Variants in MAP3K13 observed in about 807,000 individuals in gnomAD.
MAP3K13 encodes the protein leucine zipper-bearing kinase.
In MAP3K13, 52 loss-of-function variants were observed where a neutral mutation model predicts 104.0. The observed-to-expected ratio is 0.50, with a 90% CI of 0.40 to 0.63. The LOEUF is 0.63. Among genes scored for constraint, MAP3K13 ranks in the 20% least tolerant of loss-of-function variants. The probability of loss-of-function intolerance (pLI) is 0.00; values close to 1 mark genes in which losing one functional copy is unlikely to be tolerated. For missense variants in MAP3K13, 914 were observed against 1,218.5 expected (o/e 0.75, Z 3.72); for synonymous variants, 394 against 442.2 (o/e 0.89, Z 1.37).
At chr3:185,378,004 G>GC (rs1724518337) in intron 1 of MAP3K13, among the ~76,000 whole-genome samples, 1 of 152,118 alleles carries the variant, frequency 6.6e-6, no homozygotes, top group Non-Finnish European at 1.5e-5. Flanking sequence ...AAGCTCCTGG[G>GC]GTGGGGGGAG....
chr3:185,389,413 G>T (rs1286367049), intron 1 of MAP3K13, among the ~76,000 whole-genome samples: 1 of 151,996 alleles, frequency 6.6e-6, no homozygotes, highest in African/African-American at 2.4e-5. Flanking sequence ...AATGAGATAA[G>T]GTACATAAAG....
intron 2 of MAP3K13, among the ~76,000 whole-genome samples, chr3:185,314,232 A>G (rs1721596029): frequency 6.6e-6 from 1 of 152,240 alleles, no homozygotes. Context: ...CTTGTAAGAC[A>G]TGGAATAAAA....
In MAP3K13 at chr3:185,480,269, A is replaced by T. The variant is rs1301380209; in HGVS notation, c.2539A>T (p.Thr847Ser). 9.3e-6 allele frequency: 15 copies of T among 1,614,100 alleles called. No individual in the cohort carries two copies. Among genetic ancestry groups the T allele is most frequent in the Non-Finnish European group, 1.3e-5 (15 of 1,180,008 alleles). The change falls in exon 13 of 14, where the codon ACC (threonine) becomes TCC (serine). Residue 847 changes from threonine to serine, a missense_variant. Thr to Ser is a moderately conservative substitution (Grantham distance 58). This residue lies in a region of MAP3K13 where 583 missense variants were observed against 737.4 expected (regional missense o/e 0.79). Coordinates refer to ENST00000265026, the MANE Select transcript of MAP3K13 (RefSeq NM_004721.5). ...TATCAGCAGCTGCCAGTCATATTCA[A>T]CCTTTAGCTCTGAGAATTTCTCTGT... is the stretch of plus-strand genomic sequence containing the variant. ...RCISSCQSYS[T>S]FSSENFSVSD...
At chr3:185,372,071 A>G (rs187735433) in intron 1 of MAP3K13, among the ~76,000 whole-genome samples, 42 of 152,324 alleles carry the variant, frequency 2.8e-4, no homozygotes, top group Non-Finnish European at 4.6e-4. Context: ...CATTTTACTA[A>G]TTACTCACCA....
At position 185,454,857 on chromosome 3, in the gene MAP3K13, A is replaced by ATGATATATATATGAGATATATATC. The variant is rs1577583411; in HGVS notation, c.1278+3485_1278+3486insCTGATATATATATGAGATATATAT. 1.8e-4 allele frequency among the ~76,000 whole-genome samples: 11 copies of ATGATATATATATGAGATATATATC among 61,084 alleles called. No homozygotes were observed. The East Asian group carries it at 3.8e-3, about 21-fold the overall frequency. 40.1% of individuals were successfully genotyped at this position (61,084 alleles called of 152,430 possible). A position where few individuals can be genotyped will look rare whatever the true frequency, so the allele number is the denominator to read the frequency against. On this transcript the variant is annotated intron_variant, in intron 7 of 13. Transcript: ENST00000265026. ...CATGATATATATATGAGATATATAC[A>ATGATATATATATGAGATATATATC]TGATATATATATGAGATATATATAT...
chr3:185,446,142 A>G (rs976505584), intron 4 of MAP3K13, among the ~76,000 whole-genome samples: 14 of 152,182 alleles, frequency 9.2e-5, no homozygotes, highest in Non-Finnish European at 1.9e-4. Context: ...GGTTGTGAGC[A>G]TGGTAAATGT....
At chr3:185,366,702 T>C (rs966337306) in intron 1 of MAP3K13, among the ~76,000 whole-genome samples, 7 of 152,262 alleles carry the variant, frequency 4.6e-5, no homozygotes, top group Non-Finnish European at 8.8e-5. Flanking sequence ...GTCAAGGATC[T>C]TTTTATGTGC....
chr3:185,411,975 G>T (rs1447669598), intron 1 of MAP3K13, among the ~76,000 whole-genome samples: 2 of 151,860 alleles, frequency 1.3e-5, no homozygotes, highest in Non-Finnish European at 2.9e-5. Flanking sequence ...GTAGATATGG[G>T]GTTTCACCAC....
intron 1 of MAP3K13, among the ~76,000 whole-genome samples, chr3:185,372,417 C>T (rs1207609609): frequency 6.6e-6 from 1 of 152,130 alleles, no homozygotes; most frequent in African/African-American, 2.4e-5. Context: ...AAGCTATGCC[C>T]CAATCTAGTC....
chr3:185,314,192 A>G (rs1721594752), intron 2 of MAP3K13, among the ~76,000 whole-genome samples: 1 of 152,372 alleles, frequency 6.6e-6, no homozygotes, highest in African/African-American at 2.4e-5. Context: ...GGTGCTTAAT[A>G]AATGTGGAAT....
intron 7 of MAP3K13, among the ~76,000 whole-genome samples, chr3:185,453,854 GAT>G (rs57019394): frequency 0.14 from 658 of 4,716 alleles, 50 homozygotes; most frequent in East Asian, 0.25. Context: ...ATATATATGA[GAT>G]ATATATATAT....
chr3:185,415,932 A>T (rs1713744138), intron 1 of MAP3K13, among the ~76,000 whole-genome samples: 1 of 152,092 alleles, frequency 6.6e-6, no homozygotes, highest in Non-Finnish European at 1.5e-5. Context: ...TATTCTCCCA[A>T]ATATTATAGC....
intron 7 of MAP3K13, among the ~76,000 whole-genome samples, chr3:185,453,311 C>T (rs1715994760): frequency 6.6e-6 from 1 of 152,074 alleles, no homozygotes; most frequent in Admixed American, 6.6e-5. Context: ...TAAAGTGAAT[C>T]GCATCTCCCC....
intron 1 of MAP3K13, among the ~76,000 whole-genome samples, chr3:185,366,929 A>G (rs1723917431): frequency 6.6e-6 from 1 of 152,108 alleles, no homozygotes; most frequent in Non-Finnish European, 1.5e-5. Context: ...AAAATTTTTA[A>G]TTTTGATGAA....
At position 185,423,947 on chromosome 3, in the gene MAP3K13, A is replaced by G. The variant is rs1048717073; in HGVS notation, c.-85-4550A>G. Among the ~76,000 whole-genome samples, 5 of 152,144 alleles carry G rather than the reference A, an allele frequency of 3.3e-5. No homozygotes were observed. Among genetic ancestry groups the G allele is most frequent in the Non-Finnish European group, 7.4e-5 (5 of 68,018 alleles). On this transcript the variant is annotated intron_variant, in intron 1 of 13. Coordinates refer to ENST00000265026, the MANE Select transcript of MAP3K13 (RefSeq NM_004721.5). This position sits in a 1 kb window ranked among gnomAD's most constrained non-coding sequence, Gnocchi z 4.1. The stretch of plus-strand genomic sequence containing the variant: ...TCACACGCCTTACCTTTAAAGGTCC[A>G]TCTCAAATCCTACCTCTTTTAGCAT...
intron 9 of MAP3K13, among the ~76,000 whole-genome samples, chr3:185,466,504 G>C (rs1717438619): frequency 6.6e-6 from 1 of 150,594 alleles, no homozygotes; most frequent in African/African-American, 2.4e-5. Flanking sequence ...AGCCTCCTGA[G>C]TAGCTGAGAC....
chr3:185,329,021 G>C, intron 2 of MAP3K13: 1 of 495,444 alleles, frequency 2.0e-6, no homozygotes, highest in South Asian at 3.8e-5. Context: ...AGGATTGTAA[G>C]AATAATTTCC....
rs1723717222 is a variant in MAP3K13 at position 185,363,204 on chromosome 3, T to G, written c.-250T>G. ...CCCAATTTACATCCATTCATGAATC[T>G]GTGACGTCAGCAAGCCTTTGGGCTC... On this transcript the variant is annotated 5_prime_UTR_variant, in exon 1 of 14. Coordinates refer to ENST00000265026, the MANE Select transcript of MAP3K13 (RefSeq NM_004721.5). The G allele has an allele frequency of 3.0e-6, 3 of 985,210 alleles. No individual in the cohort carries two copies. The highest frequency in any genetic ancestry group is 3.6e-6 in the Non-Finnish European group (3 of 829,914). 61.0% of individuals were successfully genotyped at this position (985,210 alleles called of 1,614,324 possible).
chr3:185,310,681 A>G (rs925683098), intron 2 of MAP3K13, among the ~76,000 whole-genome samples: 2 of 152,254 alleles, frequency 1.3e-5, no homozygotes, highest in African/African-American at 2.4e-5. Context: ...GCAGATCCAT[A>G]GAAGTTATTC....
Sources: allele counts gnomAD v4.1 joint callset (sites outside exome capture counted in the v4.1 genomes callset), GRCh38; gene constraint gnomAD v4.1.1; regional missense constraint gnomAD v4.1.1; non-coding constraint Gnocchi (gnomAD v3.1); transcripts MANE v1.5; gene names NCBI Gene and HGNC (gene_info 2026-07-23, HGNC 2026-07-21).